ASPRV1: variants seen among roughly 807,000 people sequenced by gnomAD.
ASPRV1 encodes aspartic peptidase retroviral like 1, also known as retroviral-like aspartic protease 1.
ASPRV1 carries 7 observed loss-of-function variants against 11.0 expected under a neutral mutation model. The ratio of observed to expected loss-of-function variants is 0.64; its 90% CI spans 0.36 to 1.20. The LOEUF is 1.20. Among genes scored for constraint, ASPRV1 ranks in the 50% most tolerant of loss-of-function variants. The pLI is 0.02. For synonymous variants in ASPRV1, 136 were observed against 138.4 expected (o/e 0.98, Z 0.12); for missense variants, 299 against 320.0 (o/e 0.93, Z 0.50).
chr2:70,063,025 T>C, the ASPRV1 span, among the ~76,000 whole-genome samples: 4 of 152,102 alleles, frequency 2.6e-5, no homozygotes, highest in African/African-American at 7.2e-5. Flanking sequence ...TCACAGAGAC[T>C]AGATGACCAG....
the ASPRV1 span, among the ~76,000 whole-genome samples, chr2:70,005,400 A>G: frequency 3.3e-5 from 5 of 152,082 alleles, no homozygotes; most frequent in Non-Finnish European, 7.4e-5. Context: ...TTCCACTTCT[A>G]CATCCACTTT....
chr2:69,994,414 C>T, the ASPRV1 span, among the ~76,000 whole-genome samples: 2 of 152,314 alleles, frequency 1.3e-5, no homozygotes, highest in South Asian at 2.1e-4. Context: ...GCATGACCAA[C>T]GGAGCAGTGA....
At chr2:69,961,741 T>TCCGG, upstream of ASPRV1, 1 of 1,507,266 alleles carries the variant, frequency 6.6e-7, no homozygotes, top group Non-Finnish European at 8.9e-7. Flanking sequence ...CCTGCCAGCA[T>TCCGG]CCGGCCGGAC....
the ASPRV1 span, chr2:70,055,713 C>T: frequency 6.6e-6 from 1 of 152,082 alleles, no homozygotes; most frequent in Admixed American, 6.6e-5. Flanking sequence ...ATGTAACAAA[C>T]CTGCATGTTC....
At chr2:69,935,314 G>A in the ASPRV1 span, 1 of 1,505,276 alleles carries the variant, frequency 6.6e-7, no homozygotes, top group African/African-American at 1.4e-5. Flanking sequence ...GGCCCACTGT[G>A]AAACTCTCAA....
chr2:69,963,133 G>C (rs1442372835), upstream of ASPRV1: 1 of 396,202 alleles, frequency 2.5e-6, no homozygotes, highest in Non-Finnish European at 5.0e-6. Context: ...CACAATGCAA[G>C]ACTGTGCTGT....
chr2:69,962,925 C>A (rs781260572), upstream of ASPRV1: 7 of 248,002 alleles, frequency 2.8e-5, no homozygotes, highest in African/African-American at 4.4e-5. Context: ...TAGCTGTGTG[C>A]TGTCACCAAA....
chr2:69,995,983 T>G, the ASPRV1 span, among the ~76,000 whole-genome samples: 1 of 152,078 alleles, frequency 6.6e-6, no homozygotes, highest in African/African-American at 2.4e-5. Context: ...TGGGGAGCAC[T>G]TGGTAGTGGA....
chr2:69,951,197 A>T, the ASPRV1 span, among the ~76,000 whole-genome samples: 1 of 151,892 alleles, frequency 6.6e-6, no homozygotes, highest in Non-Finnish European at 1.5e-5. Flanking sequence ...AGGCTGAGGC[A>T]GGCAGATCGC....
upstream of ASPRV1, among the ~76,000 whole-genome samples, chr2:69,965,780 C>G: frequency 6.6e-6 from 1 of 152,178 alleles, no homozygotes; most frequent in East Asian, 1.9e-4. Flanking sequence ...GGCAGGACAG[C>G]TTGACCTTGA....
chr2:70,014,640 A>C, the ASPRV1 span: 2 of 152,012 alleles, frequency 1.3e-5, no homozygotes, highest in Non-Finnish European at 2.9e-5. Flanking sequence ...ATCTCTACAA[A>C]AAATAAAAAA....
chr2:69,992,254 A>G, the ASPRV1 span, among the ~76,000 whole-genome samples: 7 of 152,188 alleles, frequency 4.6e-5, no homozygotes, highest in African/African-American at 1.4e-4. Context: ...GTCTTCGCCT[A>G]GCCGAGGGGA....
At chr2:70,026,707 C>G in the ASPRV1 span, among the ~76,000 whole-genome samples, 1 of 151,782 alleles carries the variant, frequency 6.6e-6, no homozygotes, top group Non-Finnish European at 1.5e-5. Context: ...TAAGAGGATA[C>G]AAAAAATGAA....
At chr2:70,069,065 G>A in the ASPRV1 span, 3 of 151,350 alleles carry the variant, frequency 2.0e-5, no homozygotes, top group East Asian at 5.8e-4. Context: ...GAAAGACAAT[G>A]TATTTGGTCA....
At chr2:69,938,015 G>T in the ASPRV1 span, 1 of 1,372,888 alleles carries the variant, frequency 7.3e-7, no homozygotes, top group East Asian at 2.3e-5. Flanking sequence ...CCAAAGTGCT[G>T]GGATTACAAG....
At chr2:69,992,322 A>C in the ASPRV1 span, among the ~76,000 whole-genome samples, 1 of 152,176 alleles carries the variant, frequency 6.6e-6, no homozygotes, top group Non-Finnish European at 1.5e-5. Flanking sequence ...CAAACAAACA[A>C]CTTTGGTGCT....
At chr2:69,951,097 G>A in the ASPRV1 span, among the ~76,000 whole-genome samples, 3 of 152,036 alleles carry the variant, frequency 2.0e-5, no homozygotes, top group Admixed American at 6.6e-5. Context: ...AGCAGGGTAA[G>A]TGGGTTCAAG....
At chr2:70,079,427 C>G in the ASPRV1 span, among the ~76,000 whole-genome samples, 7 of 152,072 alleles carry the variant, frequency 4.6e-5, no homozygotes, top group Non-Finnish European at 1.0e-4. Flanking sequence ...CAACTATTAT[C>G]ATGCCACTGC....
At chr2:70,078,889 G>A in the ASPRV1 span, among the ~76,000 whole-genome samples, 1 of 152,212 alleles carries the variant, frequency 6.6e-6, no homozygotes, top group Non-Finnish European at 1.5e-5. Flanking sequence ...AGCAAAAGGA[G>A]GAAGACCACT....
Sources: gnomAD v4.1 joint callset for allele counts (sites outside exome capture counted in the v4.1 genomes callset) on GRCh38, gnomAD v4.1.1 for gene constraint, MANE v1.5 for transcripts, NCBI Gene and HGNC (gene_info 2026-07-23, HGNC 2026-07-21) for gene names.